The following CCDC3 variants were observed in gnomAD, a reference collection of about 807,000 sequenced individuals.
The protein encoded by CCDC3 is coiled-coil domain containing 3.
In CCDC3, 24 loss-of-function variants were observed where a neutral mutation model predicts 21.4. That is an observed-to-expected ratio of 1.12 (90% CI 0.81 to 1.58). The LOEUF is 1.58. CCDC3 is among the 40% of genes most tolerant of loss of function. CCDC3 has a pLI of 0.00. For missense variants in CCDC3, 425 were observed against 360.9 expected, an observed-to-expected ratio of 1.18 and a Z score of -1.44; for synonymous variants, 186 against 166.0, an observed-to-expected ratio of 1.12 and a Z score of -0.93.
chr10:12,929,461 A>G (rs1834604890), intron 2 of CCDC3, among the ~76,000 whole-genome samples: 1 of 152,042 alleles, frequency 6.6e-6, no homozygotes, highest in Non-Finnish European at 1.5e-5. Flanking sequence ...CGAGATGGCT[A>G]CCTCTGCCTC....
intron 2 of CCDC3, among the ~76,000 whole-genome samples, chr10:12,905,886 G>A (rs1834163343): frequency 6.6e-6 from 1 of 152,130 alleles, no homozygotes; most frequent in Admixed American, 6.5e-5. Flanking sequence ...TTTACATGGC[G>A]CTGTGTTTTC....
chr10:13,082,480 C>A (rs1206176021), intron 3 of CCDC3, among the ~76,000 whole-genome samples: 1 of 152,254 alleles, frequency 6.6e-6, no homozygotes, highest in African/African-American at 2.4e-5. Flanking sequence ...CACAGCATCA[C>A]AGGGAGACGT....
chr10:12,915,752 A>G (rs1235608917), intron 2 of CCDC3, among the ~76,000 whole-genome samples: 12 of 152,110 alleles, frequency 7.9e-5, no homozygotes, highest in Non-Finnish European at 1.3e-4. Flanking sequence ...GTTAATTGGT[A>G]CTGTGGAAGC....
chr10:13,071,296 A>AC (rs35791992), intron 4 of CCDC3, among the ~76,000 whole-genome samples: 2 of 151,740 alleles, frequency 1.3e-5, no homozygotes, highest in South Asian at 2.1e-4. Flanking sequence ...AGTCCACGCA[A>AC]CCCCCCCTCA....
At chr10:13,030,617 C>T (rs1373865158) in intron 5 of CCDC3, among the ~76,000 whole-genome samples, 2 of 151,900 alleles carry the variant, frequency 1.3e-5, no homozygotes, top group African/African-American at 4.8e-5. Context: ...CAGAGACACA[C>T]ATAGGCTCAA....
intron 2 of CCDC3, among the ~76,000 whole-genome samples, chr10:12,920,586 T>C (rs1479098896): frequency 1.3e-5 from 2 of 152,198 alleles, no homozygotes; most frequent in Non-Finnish European, 2.9e-5. Context: ...GGCGCAAAAG[T>C]AATCGTGGTT....
intron 2 of CCDC3, among the ~76,000 whole-genome samples, chr10:12,940,919 G>A (rs985973770): frequency 1.3e-5 from 2 of 151,868 alleles, no homozygotes; most frequent in African/African-American, 2.4e-5. Context: ...TTAGATCCCT[G>A]AGTAGGAATT....
rs181064466 is a variant in CCDC3 at position 12,982,980 on chromosome 10, C to T, written c.549+15358G>A. ...TACAAAAGTTAGCTGGGCATGGTGG[C>T]GGGTGCCTGTAATCCCAGCTGCTGA... On this transcript the variant is annotated intron_variant, in intron 2 of 2. Transcript: ENST00000378825. 7.1e-3 allele frequency among the ~76,000 whole-genome samples: 1,067 copies of T among 150,228 alleles called. 5 individuals are homozygous for T. Among genetic ancestry groups the T allele is most frequent in the South Asian group, 0.019 (91 of 4,760 alleles).
chr10:13,066,313 C>T (rs1036456444), intron 4 of CCDC3, among the ~76,000 whole-genome samples: 4 of 152,184 alleles, frequency 2.6e-5, no homozygotes, highest in African/African-American at 4.8e-5. Flanking sequence ...TGCACCACCA[C>T]GCTCAGCTAA....
At chr10:12,911,881 C>T (rs1430707244) in intron 2 of CCDC3, among the ~76,000 whole-genome samples, 5 of 152,252 alleles carry the variant, frequency 3.3e-5, no homozygotes, top group African/African-American at 7.2e-5. Flanking sequence ...TTAGATTCTA[C>T]ATTTAAATAT....
intron 5 of CCDC3, among the ~76,000 whole-genome samples, chr10:13,007,884 A>C (rs1281684422): frequency 1.3e-5 from 2 of 152,062 alleles, no homozygotes; most frequent in African/African-American, 2.4e-5. Flanking sequence ...GGGCCAAACA[A>C]GTTAGGTCTC....
intron 2 of CCDC3, among the ~76,000 whole-genome samples, chr10:12,929,159 G>C (rs746612459): frequency 6.6e-6 from 1 of 151,836 alleles, no homozygotes; most frequent in Non-Finnish European, 1.5e-5. Context: ...CTACTTGGGA[G>C]GCTAAGGCAG....
At position 13,001,250 on chromosome 10, in the gene CCDC3, G is replaced by A. The variant is rs918676799; in HGVS notation, c.321C>T (p.Phe107=). 6.3e-7 allele frequency: 1 copy of A among 1,590,924 alleles called. No homozygotes were observed. Among genetic ancestry groups the A allele is most frequent in the East Asian group, 2.3e-5 (1 of 43,878 alleles). The part of the protein sequence containing the change: ...SRLNLTGLGY[F]SCHSHTVVQD... The stretch of plus-strand genomic sequence containing the variant: ...GGACCACGGTGTGGGAGTGGCACGA[G>A]AAGTAGCCCAGGCCGGTGAGGTTGA... The change falls in exon 1 of 3, where the codon TTC becomes TTT. Residue 107 remains phenylalanine (F), a synonymous_variant. Transcript: ENST00000378825.
At chr10:12,910,687 G>C (rs1834259195) in intron 2 of CCDC3, among the ~76,000 whole-genome samples, 1 of 147,584 alleles carries the variant, frequency 6.8e-6, no homozygotes, top group South Asian at 2.1e-4. Context: ...TTGGCTCACT[G>C]CAACCTCCAC....
chr10:13,002,134 C>A (rs1265595038), upstream of CCDC3, among the ~76,000 whole-genome samples: 1 of 152,138 alleles, frequency 6.6e-6, no homozygotes, highest in African/African-American at 2.4e-5. Flanking sequence ...GGGCTGAGAT[C>A]TCGTGCTCTC....
intron 3 of CCDC3, among the ~76,000 whole-genome samples, chr10:13,077,729 G>A (rs1038675652): frequency 6.6e-6 from 1 of 152,142 alleles, no homozygotes; most frequent in African/African-American, 2.4e-5. Context: ...TCTGATCTTT[G>A]ACAAACCTGA....
At chr10:13,010,327 A>C (rs1835969811) in intron 5 of CCDC3, among the ~76,000 whole-genome samples, 1 of 152,174 alleles carries the variant, frequency 6.6e-6, no homozygotes, top group Admixed American at 6.5e-5. Flanking sequence ...AGATTTAAAA[A>C]ACACTTCACC....
At chr10:12,916,373 G>A (rs986979607) in intron 2 of CCDC3, among the ~76,000 whole-genome samples, 8 of 149,332 alleles carry the variant, frequency 5.4e-5, no homozygotes, top group East Asian at 2.0e-4. Context: ...CGGAGGTTGA[G>A]CTGAGATCGT....
chr10:13,058,465 C>G, intron 4 of CCDC3: 1 of 756,442 alleles, frequency 1.3e-6, no homozygotes, highest in Admixed American at 1.7e-5. Context: ...CTATCATATC[C>G]CCCTCAATAT....
Sources: allele counts gnomAD v4.1 joint callset (sites outside exome capture counted in the v4.1 genomes callset), GRCh38; gene constraint gnomAD v4.1.1; transcripts MANE v1.5; gene names NCBI Gene and HGNC (gene_info 2026-07-23, HGNC 2026-07-21).